REG4: variants seen among roughly 807,000 people sequenced by gnomAD.
The protein encoded by REG4 is regenerating family member 4, also known as regenerating islet-derived protein 4.
A neutral mutation model predicts 22.3 loss-of-function variants in REG4; 16 were observed. The ratio of observed to expected loss-of-function variants is 0.72; its 90% CI spans 0.49 to 1.09. The LOEUF is 1.09. Among genes scored for constraint, REG4 ranks in the 50% least tolerant of loss-of-function variants. The pLI, the probability that REG4 is intolerant of heterozygous loss-of-function variation, is 0.00. For synonymous variants in REG4, 71 were observed against 69.2 expected, an observed-to-expected ratio of 1.03 and a Z score of -0.13; for missense variants, 214 against 193.9, an observed-to-expected ratio of 1.10 and a Z score of -0.61.
Position 119,794,235 on chromosome 1 carries a change from G to T in REG4, c.*383C>A, listed in dbSNP as rs1653859846. The T allele has an allele frequency of 1.8e-6, 1 of 542,418 alleles. No individual in the cohort carries two copies. The highest frequency in any genetic ancestry group is 1.9e-5 in the African/African-American group (1 of 52,480). The allele number at this position is 542,418 out of a possible 1,614,324, so 33.6% of individuals were successfully genotyped here. On this transcript the variant is annotated 3_prime_UTR_variant, in exon 6 of 6. Transcript: ENST00000256585. The stretch of plus-strand genomic sequence containing the variant: ...CAGGCAATGGAGAGAGGGCAGAAGG[G>T]TGTAGAAGCTGAAGGGGTCTAGAAG...
At chr1:119,802,340 C>G (rs186560854) in intron 3 of REG4, 42 of 985,786 alleles carry the variant, frequency 4.3e-5, no homozygotes, top group Non-Finnish European at 1.8e-5. Context: ...GCCTCAGTAG[C>G]TGGCATGTGG....
At chr1:119,798,012 A>G (rs1478457504) in intron 5 of REG4, among the ~76,000 whole-genome samples, 1 of 152,242 alleles carries the variant, frequency 6.6e-6, no homozygotes, top group East Asian at 1.9e-4. Context: ...GCTTCAGGCC[A>G]CCACATTCTG....
At chr1:119,806,782 A>T (rs587698640) in intron 2 of REG4, among the ~76,000 whole-genome samples, 32 of 152,322 alleles carry the variant, frequency 2.1e-4, no homozygotes, top group African/African-American at 7.2e-4. Context: ...TCTTGCCTGG[A>T]CTACTCCAAT....
intron 3 of REG4, chr1:119,802,572 G>A (rs587694316): frequency 1.0e-5 from 12 of 1,173,638 alleles, no homozygotes; most frequent in Admixed American, 9.0e-5. Flanking sequence ...AAGCTTCAAC[G>A]AAATAAAATG....
intron 2 of REG4, among the ~76,000 whole-genome samples, chr1:119,805,449 C>G (rs193292713): frequency 6.6e-6 from 1 of 152,122 alleles, no homozygotes; most frequent in Non-Finnish European, 1.5e-5. Flanking sequence ...CTTGGCCTTC[C>G]GTGAGCAAAC....
intron 5 of REG4, 37 bp from the exon 6 acceptor site, chr1:119,794,722 T>G (rs750226448): frequency 1.3e-6 from 2 of 1,577,320 alleles, no homozygotes; most frequent in South Asian, 2.2e-5. Context: ...ATCCATTCAG[T>G]ACTATACTGA....
chr1:119,805,942 G>A (rs1191542938), intron 2 of REG4, among the ~76,000 whole-genome samples: 2 of 152,030 alleles, frequency 1.3e-5, no homozygotes, highest in South Asian at 2.1e-4. Context: ...CTGCGCTATG[G>A]CTCTGCCTTG....
chr1:119,803,092 C>G lies in REG4; in HGVS notation c.141G>C (p.Lys47Asn). Residue 47 changes from lysine to asparagine, a missense_variant, in exon 3 of 6, where the codon AAG becomes AAC. By Grantham distance (94) the Lys-to-Asn change is moderately conservative. Coordinates refer to ENST00000256585, the MANE Select transcript of REG4 (RefSeq NM_032044.4). Reference sequence around the variant, plus strand: ...CCTCGGCATCAGACCAGTTCCTCAGCTTCCTGAAGTAACCATAGCAATTGG... The same window carrying G: ...CCTCGGCATCAGACCAGTTCCTCAGGTTCCTGAAGTAACCATAGCAATTGG... Reference protein sequence around the residue: ...HKSNCYGYFRKLRNWSDAELE... With the variant: ...HKSNCYGYFRNLRNWSDAELE... 6.3e-7 allele frequency: 1 copy of G among 1,581,526 alleles called. No individual in the cohort carries two copies. The highest frequency in any genetic ancestry group is 1.2e-5 in the South Asian group (1 of 84,408).
intron 5 of REG4, among the ~76,000 whole-genome samples, chr1:119,797,833 C>T (rs961125732): frequency 4.9e-4 from 75 of 152,142 alleles, no homozygotes; most frequent in Non-Finnish European, 2.4e-4. Context: ...CCAGGGATGC[C>T]GCTCAACCTC....
intron 1 of REG4, among the ~76,000 whole-genome samples, chr1:119,809,405 A>G (rs890179708): frequency 6.6e-6 from 1 of 152,228 alleles, no homozygotes; most frequent in Admixed American, 6.5e-5. Context: ...AGTTGACATC[A>G]TTTTTAAAAA....
At chr1:119,804,539 G>A (rs965836027) in intron 2 of REG4, among the ~76,000 whole-genome samples, 2 of 152,174 alleles carry the variant, frequency 1.3e-5, no homozygotes, top group Non-Finnish European at 2.9e-5. Context: ...GTTTCAGTGA[G>A]TATGTCAAAT....
At chr1:119,807,243 CTCTATTTCTCT>C (rs1654349077) in intron 2 of REG4, among the ~76,000 whole-genome samples, 1 of 152,174 alleles carries the variant, frequency 6.6e-6, no homozygotes, top group Non-Finnish European at 1.5e-5. Context: ...TCTAAGTCCC[CTCTATTTCTCT>C]TAAGTACAGC....
chr1:119,794,422 A>G lies in REG4; in HGVS notation c.*196T>C. ...ACTGTGGAAAGGGATGGCGGGGCAA[A>G]CATTTAGAGCTAGAAGCCACTACTG... is the stretch of plus-strand genomic sequence containing the variant. On this transcript the variant is annotated 3_prime_UTR_variant, in exon 6 of 6. Transcript: ENST00000256585. 1 of 649,734 alleles carries G rather than the reference A, an allele frequency of 1.5e-6. No homozygotes were observed. The highest frequency in any genetic ancestry group is 2.8e-6 in the Non-Finnish European group (1 of 358,860). The allele number at this position is 649,734 out of a possible 1,614,324, so 40.2% of individuals were successfully genotyped here.
chr1:119,798,030 G>T (rs1653982345), intron 5 of REG4, among the ~76,000 whole-genome samples: 1 of 152,114 alleles, frequency 6.6e-6, no homozygotes, highest in South Asian at 2.1e-4. Context: ...CTGGGGACAG[G>T]ATTCAGGGAA....
intron 5 of REG4, among the ~76,000 whole-genome samples, chr1:119,797,076 A>T (rs1420677114): frequency 6.6e-6 from 1 of 152,160 alleles, no homozygotes; most frequent in East Asian, 1.9e-4. Context: ...CGCTTCTAAC[A>T]CTTAATGCGT....
chr1:119,796,958 G>A (rs1212938003), intron 5 of REG4, among the ~76,000 whole-genome samples: 1 of 152,238 alleles, frequency 6.6e-6, no homozygotes, highest in African/African-American at 2.4e-5. Context: ...CCCAAAGCAG[G>A]TCTGGCCTCC....
intron 2 of REG4, among the ~76,000 whole-genome samples, chr1:119,805,263 A>T (rs1654263098): frequency 6.6e-6 from 1 of 152,186 alleles, no homozygotes; most frequent in African/African-American, 2.4e-5. Context: ...ACATGGGCTT[A>T]AATTTCAGAA....
intron 4 of REG4, among the ~76,000 whole-genome samples, chr1:119,799,040 T>C (rs911217791): frequency 1.2e-4 from 18 of 152,158 alleles, no homozygotes; most frequent in Non-Finnish European, 2.4e-4. Context: ...GACACATACA[T>C]ATTCGTGAAA....
At position 119,803,152 on chromosome 1, in the gene REG4, T is replaced by G; in HGVS notation, c.81A>C (p.Arg27Ser). ...AAAACCATCCAGGAGCACAGCTGGGTCTCATGATGATATCTGCACATAAAC... is the reference window on the plus strand; with the variant it reads ...AAAACCATCCAGGAGCACAGCTGGGGCTCATGATGATATCTGCACATAAAC... ...KTGVLGDIIM[R>S]PSCAPGWFYH... Residue 27 changes from arginine to serine, a missense_variant, in exon 3 of 6, where the codon AGA becomes AGC. By Grantham distance (110) the Arg-to-Ser change is moderately radical. Transcript: ENST00000256585. 6.6e-7 allele frequency: 1 copy of G among 1,521,268 alleles called. No individual in the cohort carries two copies. Among genetic ancestry groups the G allele is most frequent in the South Asian group, 1.3e-5 (1 of 74,978 alleles). The allele number at this position is 1,521,268 out of a possible 1,614,324, so 94.2% of individuals were successfully genotyped here.
Sources: allele counts gnomAD v4.1 joint callset (sites outside exome capture counted in the v4.1 genomes callset), GRCh38; gene constraint gnomAD v4.1.1; transcripts MANE v1.5; gene names NCBI Gene and HGNC (gene_info 2026-07-23, HGNC 2026-07-21).